SLC25A42: variants seen among roughly 807,000 people sequenced by gnomAD.
SLC25A42 encodes solute carrier family 25 member 42, also known as mitochondrial coenzyme A transporter SLC25A42.
In SLC25A42, 19 loss-of-function variants were observed where a neutral mutation model predicts 34.7. The ratio of observed to expected loss-of-function variants is 0.55; its 90% confidence interval spans 0.38 to 0.80. The LOEUF is 0.80. Among genes scored for constraint, SLC25A42 ranks in the 30% least tolerant of loss-of-function variants. The probability of loss-of-function intolerance (pLI) is 0.00; values close to 1 mark genes in which losing one functional copy is unlikely to be tolerated. For synonymous variants in SLC25A42, 205 were observed against 191.2 expected, an observed-to-expected ratio of 1.07 and a Z score of -0.59; for missense variants, 364 against 441.3, an observed-to-expected ratio of 0.82 and a Z score of 1.57.
chr19:19,079,996 A>T (rs1265834408), intron 1 of SLC25A42, among the ~76,000 whole-genome samples: 3 of 152,176 alleles, frequency 2.0e-5, no homozygotes, highest in African/African-American at 7.2e-5. Context: ...TGGCTGCCCC[A>T]TCTAACATTC....
intron 2 of SLC25A42, among the ~76,000 whole-genome samples, chr19:19,097,792 A>G (rs2059773343): frequency 6.6e-6 from 1 of 151,932 alleles, no homozygotes; most frequent in Non-Finnish European, 1.5e-5. Flanking sequence ...GTGAAACCCC[A>G]TCTCTACTAA....
intron 1 of SLC25A42, among the ~76,000 whole-genome samples, chr19:19,084,344 G>A (rs529994867): frequency 6.6e-6 from 1 of 152,246 alleles, no homozygotes; most frequent in African/African-American, 2.4e-5. Flanking sequence ...GAGTCTTTGG[G>A]GCAACCTCTT....
intron 1 of SLC25A42, among the ~76,000 whole-genome samples, chr19:19,091,207 A>G (rs1599677658): frequency 6.6e-6 from 1 of 152,242 alleles, no homozygotes; most frequent in East Asian, 1.9e-4. Context: ...CTGTAATCCC[A>G]GCACTTTAGG....
At chr19:19,101,959 AC>A in intron 3 of SLC25A42, 73 bp downstream of exon 3, 1 of 927,194 alleles carries the variant, frequency 1.1e-6, no homozygotes. Context: ...CCCCCAAACC[AC>A]GCTTCAAATT....
rs749794223 is a variant in SLC25A42, at chr19:19,105,632, C to A, written c.285C>A (p.Ala95=). Residue 95 remains alanine (A), a synonymous_variant, in exon 5 of 8, where the codon GCC becomes GCA. Coordinates refer to ENST00000318596, the MANE Select transcript of SLC25A42 (RefSeq NM_178526.5). ...GFLSLWRGNS[A]TMVRVVPYAA... is the part of the protein sequence containing the mutation. ...TCAGCTTGTGGCGCGGGAACTCGGCCACCATGGTGCGCGTGGTGCCCTACG... is the reference window on the plus strand; with the variant it reads ...TCAGCTTGTGGCGCGGGAACTCGGCAACCATGGTGCGCGTGGTGCCCTACG... The A allele has an allele frequency of 6.2e-7, 1 of 1,613,922 alleles. No individual in the cohort carries two copies. The highest frequency in any genetic ancestry group is 1.1e-5 in the South Asian group (1 of 91,072).
intron 1 of SLC25A42, among the ~76,000 whole-genome samples, chr19:19,064,772 C>T (rs2059592468): frequency 6.6e-6 from 1 of 151,648 alleles, no homozygotes; most frequent in Non-Finnish European, 1.5e-5. Flanking sequence ...GTTCGCACAC[C>T]CTCTGTAATA....
At chr19:19,095,995 G>A (rs954486938) in intron 1 of SLC25A42, 96 bp from the exon 2 acceptor site, 15 of 811,172 alleles carry the variant, frequency 1.8e-5, no homozygotes, top group Admixed American at 2.0e-5. Flanking sequence ...CCCTCCCCAC[G>A]CAGGGAGCCA....
intron 1 of SLC25A42, among the ~76,000 whole-genome samples, chr19:19,071,317 A>G (rs1332473136): frequency 6.6e-6 from 1 of 152,084 alleles, no homozygotes; most frequent in African/African-American, 2.4e-5. Context: ...CCAAGTGTGT[A>G]CATCTTAATT....
intron 1 of SLC25A42, among the ~76,000 whole-genome samples, chr19:19,080,685 G>A (rs765554968): frequency 6.6e-6 from 1 of 152,018 alleles, no homozygotes; most frequent in Non-Finnish European, 1.5e-5. Context: ...CACTTTGGGA[G>A]GCCAAGGTGG....
At chr19:19,097,247 C>T (rs1036408000) in intron 2 of SLC25A42, among the ~76,000 whole-genome samples, 1 of 152,208 alleles carries the variant, frequency 6.6e-6, no homozygotes, top group Non-Finnish European at 1.5e-5. Flanking sequence ...GCTGAGGTGG[C>T]GTCATCTTCC....
intron 1 of SLC25A42, among the ~76,000 whole-genome samples, chr19:19,091,570 T>A (rs556317876): frequency 3.5e-4 from 53 of 151,996 alleles, no homozygotes; most frequent in African/African-American, 9.4e-4. Flanking sequence ...ACAAATTAAG[T>A]ACAGTGGAAA....
chr19:19,104,865 GT>G (rs770952027), intron 3 of SLC25A42, 47 bp from the exon 4 acceptor site: 83 of 1,612,878 alleles, frequency 5.1e-5, no homozygotes, highest in Non-Finnish European at 6.8e-5. Context: ...CAGATGGGAG[GT>G]TCTGTCCTTT....
intron 1 of SLC25A42, among the ~76,000 whole-genome samples, chr19:19,093,315 T>G (rs1339564571): frequency 6.6e-6 from 1 of 152,002 alleles, no homozygotes; most frequent in Non-Finnish European, 1.5e-5. Flanking sequence ...CACGCCCAGC[T>G]GAGAGCAGTT....
At position 19,111,049 on chromosome 19, in the gene SLC25A42, C is replaced by T. The variant is rs551334349; in HGVS notation, c.*173C>T. The T allele has an allele frequency of 1.5e-3, 999 of 686,308 alleles. 2 individuals carry two copies. Among genetic ancestry groups the T allele is most frequent in the Admixed American group, 3.3e-3 (113 of 34,202 alleles). The allele number at this position is 686,308 out of a possible 1,614,324, so 42.5% of individuals were successfully genotyped here. ...TCAGAGTCCACGTCCAAACGCAAAG[C>T]TGGCAGCCCTGGAAGTGCAGTGTTG... On this transcript the variant is annotated 3_prime_UTR_variant, in exon 8 of 8. Transcript: ENST00000318596.
At chr19:19,083,846 A>G (rs1944328490) in intron 1 of SLC25A42, among the ~76,000 whole-genome samples, 1 of 150,872 alleles carries the variant, frequency 6.6e-6, no homozygotes, top group African/African-American at 2.4e-5. Flanking sequence ...CTGCCTCTAA[A>G]TGCATCTCCA....
chr19:19,107,799 C>T, intron 6 of SLC25A42, 95 bp from the exon 7 acceptor site: 1 of 1,325,108 alleles, frequency 7.5e-7, no homozygotes, highest in Non-Finnish European at 1.1e-6. Flanking sequence ...CACACCCAGG[C>T]CCAGCCGGCT....
chr19:19,073,558 C>T (rs1311307773), intron 1 of SLC25A42, among the ~76,000 whole-genome samples: 1 of 151,084 alleles, frequency 6.6e-6, no homozygotes, highest in Non-Finnish European at 1.5e-5. Flanking sequence ...TGCCAGGTTC[C>T]GTGTGGTAAG....
At chr19:19,065,691 A>C (rs2059598291) in intron 1 of SLC25A42, among the ~76,000 whole-genome samples, 1 of 152,210 alleles carries the variant, frequency 6.6e-6, no homozygotes, top group African/African-American at 2.4e-5. Context: ...CATTTAAAAC[A>C]TATATGGGCA....
rs1431417495 is a variant in SLC25A42, at chr19:19,089,527, C to CA, written c.-34-6556dup. The stretch of plus-strand genomic sequence containing the variant: ...TGGGTGACAGAGCAAGACTCCATCT[C>CA]AAAAAAAATAATAATAATAATAATA... On this transcript the variant is annotated intron_variant, in intron 1 of 7. Transcript: ENST00000318596. Among the ~76,000 whole-genome samples, 488 of 140,716 alleles carry CA rather than the reference C, an allele frequency of 3.5e-3. 1 individual carries two copies. The highest frequency in any genetic ancestry group is 7.5e-3 in the Middle Eastern group (2 of 266). 92.3% of individuals were successfully genotyped at this position (140,716 alleles called of 152,430 possible). A position where few individuals can be genotyped will look rare whatever the true frequency, so the allele number is the denominator to read the frequency against.
Sources: gnomAD v4.1 joint callset for allele counts (sites outside exome capture counted in the v4.1 genomes callset) on GRCh38, gnomAD v4.1.1 for gene constraint, MANE v1.5 for transcripts, NCBI Gene and HGNC (gene_info 2026-07-23, HGNC 2026-07-21) for gene names.